SGCG: variants seen among roughly 807,000 people sequenced by gnomAD.
SGCG encodes the protein sarcoglycan gamma.
Under a neutral mutation model 29.3 loss-of-function variants are expected in SGCG, and 26 were observed. That is an observed-to-expected ratio of 0.89 (90% CI 0.65 to 1.23). SGCG has a LOEUF of 1.23. Ranked by LOEUF, SGCG falls within the 50% of genes most tolerant of loss-of-function variation. The pLI is 0.00. For synonymous variants in SGCG, 145 were observed against 129.7 expected (o/e 1.12, Z -0.80); for missense variants, 353 against 356.0 (o/e 0.99, Z 0.07).
chr13:23,238,784 T>C (rs1289157681), intron 3 of SGCG, among the ~76,000 whole-genome samples: 1 of 152,098 alleles, frequency 6.6e-6, no homozygotes, highest in Admixed American at 6.6e-5. Context: ...CTTCTAGAGA[T>C]GAAAAGTATA....
intron 5 of SGCG, among the ~76,000 whole-genome samples, chr13:23,280,398 A>C (rs1881264839): frequency 6.6e-6 from 1 of 152,174 alleles, no homozygotes; most frequent in Admixed American, 6.5e-5. Context: ...AATACTCCCA[A>C]ATGAAAAAGA....
intron 6 of SGCG, among the ~76,000 whole-genome samples, chr13:23,299,431 T>C (rs1882041863): frequency 6.3e-5 from 1 of 15,800 alleles, no homozygotes; most frequent in Non-Finnish European, 1.7e-4. Flanking sequence ...TATATATATA[T>C]ATATATATAT....
chr13:23,231,101 T>A (rs956108546), intron 2 of SGCG, among the ~76,000 whole-genome samples: 1 of 152,232 alleles, frequency 6.6e-6, no homozygotes, highest in African/African-American at 2.4e-5. Flanking sequence ...TTGATGTGCA[T>A]ATGTTAAAGC....
intron 2 of SGCG, among the ~76,000 whole-genome samples, chr13:23,231,644 A>G (rs537983556): frequency 6.6e-6 from 1 of 152,302 alleles, no homozygotes; most frequent in East Asian, 1.9e-4. Flanking sequence ...TTGCTTTAAA[A>G]AGTGGCTTAT....
chr13:23,251,759 G>A (rs1159624179), intron 4 of SGCG, among the ~76,000 whole-genome samples: 1 of 152,028 alleles, frequency 6.6e-6, no homozygotes, highest in Admixed American at 6.6e-5. Context: ...TAAGAATAAC[G>A]AAGATATATA....
intron 2 of SGCG, among the ~76,000 whole-genome samples, chr13:23,211,677 C>G (rs1293642239): frequency 6.6e-6 from 1 of 152,140 alleles, no homozygotes; most frequent in African/African-American, 2.4e-5. Flanking sequence ...AAAGAAACAC[C>G]AGCTTCTTGA....
At chr13:23,225,470 C>T (rs1044394872) in intron 2 of SGCG, among the ~76,000 whole-genome samples, 2 of 152,076 alleles carry the variant, frequency 1.3e-5, no homozygotes, top group Non-Finnish European at 2.9e-5. Context: ...CTCATAATTT[C>T]CAATTTTATC....
At chr13:23,168,536 T>C in the SGCG span, among the ~76,000 whole-genome samples, 151,789 of 152,322 alleles carry the variant, frequency 1, 75,633 homozygotes, top group Non-Finnish European at 1. Flanking sequence ...ATACAGCTAA[T>C]TCAGTACATA....
In SGCG at chr13:23,192,174, CAAAA is replaced by C. The variant is rs1201131052; in HGVS notation, c.-1+11113_-1+11116del. Among the ~76,000 whole-genome samples, 10 of 112,828 alleles carry C rather than the reference CAAAA, an allele frequency of 8.9e-5. No individual in the cohort carries two copies. In the South Asian group the frequency reaches 1.3e-3, roughly 15 times the overall value. The allele number at this position is 112,828 out of a possible 152,430, so 74.0% of individuals were successfully genotyped here. A position where few individuals can be genotyped will look rare whatever the true frequency, so the allele number is the denominator to read the frequency against. On this transcript the variant is annotated intron_variant, in intron 1 of 7. Transcript: ENST00000218867. The stretch of plus-strand genomic sequence containing the variant: ...TGGGCGACAGAGTGAGACTGCGTCC[CAAAA>C]AAAAAAAAAAAAATGAAGGAAGTTT...
At chr13:23,175,121 A>G in the SGCG span, among the ~76,000 whole-genome samples, 1 of 152,242 alleles carries the variant, frequency 6.6e-6, no homozygotes, top group Non-Finnish European at 1.5e-5. Flanking sequence ...AGGTGATAGA[A>G]CTACATAGGA....
At chr13:23,185,723 G>A (rs1157290944) in intron 1 of SGCG, among the ~76,000 whole-genome samples, 1 of 152,204 alleles carries the variant, frequency 6.6e-6, no homozygotes, top group African/African-American at 2.4e-5. Context: ...ATCCAGAGAG[G>A]GGCCGGGCTT....
intron 4 of SGCG, among the ~76,000 whole-genome samples, chr13:23,274,612 C>T (rs1418883817): frequency 8.6e-5 from 13 of 151,780 alleles, no homozygotes; most frequent in East Asian, 1.9e-4. Context: ...TTAGTAGAGA[C>T]GGGGTTTCAC....
chr13:23,208,280 T>C (rs1437758750), intron 2 of SGCG, among the ~76,000 whole-genome samples: 4 of 152,166 alleles, frequency 2.6e-5, no homozygotes, highest in Non-Finnish European at 5.9e-5. Context: ...GCTCAGATCC[T>C]CAACAGTGTA....
chr13:23,219,684 T>G (rs965214661), intron 2 of SGCG, among the ~76,000 whole-genome samples: 1 of 152,020 alleles, frequency 6.6e-6, no homozygotes, highest in Non-Finnish European at 1.5e-5. Context: ...TCTGATTTGA[T>G]CATTTTATAA....
chr13:23,317,253 A>C (rs1882851243), intron 6 of SGCG, among the ~76,000 whole-genome samples: 1 of 152,170 alleles, frequency 6.6e-6, no homozygotes, highest in South Asian at 2.1e-4. Context: ...ATATGCATGG[A>C]ATACAGGAGA....
Position 23,276,431 on chromosome 13 carries a change from C to CTTTTTTTTTTTTT in SGCG, c.386-2921_386-2909dup, listed in dbSNP as rs71100165. ...CATGAACGCTTTCTTTTTTAGTTTT[C>CTTTTTTTTTTTTT]TTTTTTTTTTTTTTTTTTTGAGACA... On this transcript the variant is annotated intron_variant, in intron 4 of 7. Transcript: ENST00000218867. 6.3e-4 allele frequency among the ~76,000 whole-genome samples: 65 copies of CTTTTTTTTTTTTT among 102,384 alleles called. 2 individuals carry two copies. The highest frequency in any genetic ancestry group is 1.2e-3 in the South Asian group (3 of 2,568). The allele number at this position is 102,384 out of a possible 152,430, so 67.2% of individuals were successfully genotyped here. A position where few individuals can be genotyped will look rare whatever the true frequency, so the allele number is the denominator to read the frequency against.
rs142240835 is a variant in SGCG, at chr13:23,193,134, C to T, written c.1-10561C>T. Among the ~76,000 whole-genome samples the T allele has an allele frequency of 2.4e-4, 37 of 152,272 alleles. 1 individual carries two copies. Among genetic ancestry groups the T allele is most frequent in the Middle Eastern group, 3.4e-3 (1 of 294 alleles). ...AGAGTGGTGGCCACGTGGTATGGAC[C>T]GGTTTTCCCGGCAGTGGGAACAACG... On this transcript the variant is annotated intron_variant, in intron 1 of 7. Transcript: ENST00000218867.
rs1380388166 is a variant in SGCG at position 23,299,425 on chromosome 13, TATATATATATATATATATATA to T, written c.578+3939_578+3959del. Among the ~76,000 whole-genome samples, 56 of 6,114 alleles carry T rather than the reference TATATATATATATATATATATA, an allele frequency of 9.2e-3. 4 individuals are homozygous for T. The highest frequency in any genetic ancestry group is 0.023 in the Non-Finnish European group (46 of 2,012). The allele number at this position is 6,114 out of a possible 152,430, so 4.0% of individuals were successfully genotyped here. On this transcript the variant is annotated intron_variant, in intron 6 of 7. Transcript: ENST00000218867. ...TAGTTGGCATATATATATATATATA[TATATATATATATATATATATA>T]TATATATATATTTTTTTTTTTTTTT...
At chr13:23,237,489 A>C (rs1879354893) in intron 3 of SGCG, among the ~76,000 whole-genome samples, 1 of 152,242 alleles carries the variant, frequency 6.6e-6, no homozygotes, top group African/African-American at 2.4e-5. Context: ...ACAGTGCTGA[A>C]GACAGAAAAC....
Sources: gnomAD v4.1 joint callset for allele counts (sites outside exome capture counted in the v4.1 genomes callset) on GRCh38, gnomAD v4.1.1 for gene constraint, MANE v1.5 for transcripts, NCBI Gene and HGNC (gene_info 2026-07-23, HGNC 2026-07-21) for gene names.